RUNX2: variants seen among roughly 807,000 people sequenced by gnomAD.
The protein encoded by RUNX2 is RUNX family transcription factor 2, also known as runt-related transcription factor 2.
A neutral mutation model predicts 51.7 loss-of-function variants in RUNX2; 10 were observed. That is an observed-to-expected ratio of 0.19 (90% CI 0.12 to 0.33). The LOEUF (loss-of-function observed/expected upper bound fraction) is 0.33. Among genes scored for constraint, RUNX2 ranks in the 10% least tolerant of loss-of-function variants. The pLI is 1.00. For synonymous variants in RUNX2, 276 were observed against 273.6 expected, an observed-to-expected ratio of 1.01 and a Z score of -0.09; for missense variants, 562 against 691.3, an observed-to-expected ratio of 0.81 and a Z score of 2.10.
chr6:45,541,377 T>C (rs966750899), intron 7 of RUNX2, among the ~76,000 whole-genome samples: 1 of 152,056 alleles, frequency 6.6e-6, no homozygotes, highest in African/African-American at 2.4e-5. Flanking sequence ...GGAAATTAAA[T>C]AATAGAGCTG....
intron 5 of RUNX2, among the ~76,000 whole-genome samples, chr6:45,454,830 C>G (rs1049491920): frequency 6.6e-6 from 1 of 152,180 alleles, no homozygotes; most frequent in Non-Finnish European, 1.5e-5. Context: ...AACACAGTCT[C>G]AGGCCGGGCA....
At chr6:45,510,114 C>T (rs1801097763) in intron 6 of RUNX2, among the ~76,000 whole-genome samples, 1 of 152,080 alleles carries the variant, frequency 6.6e-6, no homozygotes, top group East Asian at 1.9e-4. Flanking sequence ...TGGTGTAAGG[C>T]AAGGAAGTAT....
intron 5 of RUNX2, among the ~76,000 whole-genome samples, chr6:45,445,932 T>G (rs867775432): frequency 2.6e-5 from 4 of 152,116 alleles, no homozygotes; most frequent in Non-Finnish European, 5.9e-5. Context: ...TTTTTTTTTG[T>G]TGACTGGCTG....
intron 5 of RUNX2, among the ~76,000 whole-genome samples, chr6:45,451,836 A>G (rs1264183514): frequency 6.6e-6 from 1 of 152,216 alleles, no homozygotes; most frequent in Non-Finnish European, 1.5e-5. Context: ...AAGTGCAACA[A>G]AGTGCCACCT....
At chr6:45,502,320 A>C (rs946229464) in intron 6 of RUNX2, among the ~76,000 whole-genome samples, 1 of 152,184 alleles carries the variant, frequency 6.6e-6, no homozygotes, top group African/African-American at 2.4e-5. Flanking sequence ...TTGATAGGGA[A>C]GATTAAATCA....
At chr6:45,447,625 A>G (rs1197631945) in intron 5 of RUNX2, among the ~76,000 whole-genome samples, 1 of 152,180 alleles carries the variant, frequency 6.6e-6, no homozygotes, top group Non-Finnish European at 1.5e-5. Context: ...TAATGTCGTT[A>G]TCTGATATTT....
At chr6:45,452,297 CAG>C (rs1293617595) in intron 5 of RUNX2, among the ~76,000 whole-genome samples, 1 of 152,144 alleles carries the variant, frequency 6.6e-6, no homozygotes, top group African/African-American at 2.4e-5. Flanking sequence ...GGGAAGGAAA[CAG>C]AGAGGAAATA....
chr6:45,450,755 C>A (rs1014314330), intron 5 of RUNX2, among the ~76,000 whole-genome samples: 1 of 152,138 alleles, frequency 6.6e-6, no homozygotes, highest in African/African-American at 2.4e-5. Context: ...GTGTGCAAAC[C>A]TTGAACACAG....
chr6:45,513,812 G>T lies in RUNX2; in HGVS notation c.1021+1405G>T, dbSNP rs552059359. The stretch of plus-strand genomic sequence containing the variant: ...TAGAATTTTAGTTATCATTTCCCTT[G>T]CCTGGGATCACCGTCGCCTTCAGGC... On this transcript the variant is annotated intron_variant, in intron 7 of 8. Transcript: ENST00000647337. Among the ~76,000 whole-genome samples, 3 of 152,308 alleles carry T rather than the reference G, an allele frequency of 2.0e-5. No individual in the cohort carries two copies. In the South Asian group the frequency reaches 6.2e-4, roughly 32 times the overall value.
intron 2 of RUNX2, among the ~76,000 whole-genome samples, chr6:45,384,432 G>C (rs1358091609): frequency 1.3e-5 from 2 of 151,956 alleles, no homozygotes; most frequent in East Asian, 3.9e-4. Flanking sequence ...CTACGGGCAT[G>C]CACCACCACG....
At chr6:45,514,110 A>G (rs918043466) in intron 7 of RUNX2, among the ~76,000 whole-genome samples, 8 of 152,080 alleles carry the variant, frequency 5.3e-5, no homozygotes, top group Admixed American at 5.2e-4. Flanking sequence ...TTTTTTCTCT[A>G]GCAGTACCTA....
At chr6:45,538,668 C>G (rs1426163270) in intron 7 of RUNX2, among the ~76,000 whole-genome samples, 1 of 143,944 alleles carries the variant, frequency 6.9e-6, no homozygotes, top group Non-Finnish European at 1.5e-5. Context: ...TCCTTTTTTC[C>G]TTTTTTTTTT....
At chr6:45,403,229 C>CTTTTTTTTTTTTTT in intron 2 of RUNX2, among the ~76,000 whole-genome samples, 1 of 108,828 alleles carries the variant, frequency 9.2e-6, no homozygotes, top group Non-Finnish European at 2.0e-5. Context: ...GTTTGAGTTT[C>CTTTTTTTTTTTTTT]TTTTTTTTTT....
intron 2 of RUNX2, among the ~76,000 whole-genome samples, chr6:45,416,971 C>T (rs1798079814): frequency 6.6e-6 from 1 of 152,176 alleles, no homozygotes; most frequent in Non-Finnish European, 1.5e-5. Flanking sequence ...AACATTTCAT[C>T]TCTTGTTACA....
chr6:45,442,360 G>A (rs1393881780), intron 5 of RUNX2, among the ~76,000 whole-genome samples: 2 of 152,178 alleles, frequency 1.3e-5, no homozygotes, highest in East Asian at 3.8e-4. Flanking sequence ...CCGGAGAAGT[G>A]GTGTAGCAGC....
At chr6:45,345,073 G>A (rs1384750165) in intron 2 of RUNX2, among the ~76,000 whole-genome samples, 1 of 152,022 alleles carries the variant, frequency 6.6e-6, no homozygotes, top group African/African-American at 2.4e-5. Context: ...TGAAACAGAG[G>A]AGAAACTACC....
chr6:45,330,179 T>C (rs1222895783), intron 2 of RUNX2, among the ~76,000 whole-genome samples: 4 of 151,928 alleles, frequency 2.6e-5, no homozygotes, highest in African/African-American at 7.2e-5. Context: ...CCCCCTCAGT[T>C]ATAATATATA....
intron 6 of RUNX2, among the ~76,000 whole-genome samples, chr6:45,492,947 C>CTAGAATA (rs1254858346): frequency 6.6e-6 from 1 of 152,066 alleles, no homozygotes. Context: ...TAGAGGTGGA[C>CTAGAATA]TAGAATAGAG....
At chr6:45,442,022 A>G (rs752776656) in intron 5 of RUNX2, among the ~76,000 whole-genome samples, 1 of 152,228 alleles carries the variant, frequency 6.6e-6, no homozygotes, top group Non-Finnish European at 1.5e-5. Context: ...ACTTCATAAG[A>G]GCACATGATC....
Sources: gnomAD v4.1 joint callset for allele counts (sites outside exome capture counted in the v4.1 genomes callset) on GRCh38, gnomAD v4.1.1 for gene constraint, MANE v1.5 for transcripts, NCBI Gene and HGNC (gene_info 2026-07-23, HGNC 2026-07-21) for gene names.